Variants in MDGA2 observed in about 807,000 individuals in gnomAD.
MDGA2 encodes MAM domain-containing glycosylphosphatidylinositol anchor protein 2.
A neutral mutation model predicts 117.8 loss-of-function variants in MDGA2; 40 were observed. The observed-to-expected ratio is 0.34, with a 90% CI of 0.26 to 0.44. The LOEUF is 0.44. MDGA2 is among the 20% of genes least tolerant of loss of function. The probability of loss-of-function intolerance (pLI) is 1.00; values close to 1 mark genes in which losing one functional copy is unlikely to be tolerated. For synonymous variants in MDGA2, 452 were observed against 439.0 expected, an observed-to-expected ratio of 1.03 and a Z score of -0.37; for missense variants, 1,123 against 1,250.6, an observed-to-expected ratio of 0.90 and a Z score of 1.54.
At chr14:47,321,489 AG>A in intron 1 of MDGA2, among the ~76,000 whole-genome samples, 1 of 152,356 alleles carries the variant, frequency 6.6e-6, no homozygotes, top group South Asian at 2.1e-4. Context: ...CTACCTGCTC[AG>A]CTTGTCAACA....
At chr14:47,638,734 C>G (rs959096945) in intron 1 of MDGA2, among the ~76,000 whole-genome samples, 1 of 152,160 alleles carries the variant, frequency 6.6e-6, no homozygotes, top group Non-Finnish European at 1.5e-5. Flanking sequence ...TTCTAACAGG[C>G]CTCTCTCATA....
intron 2 of MDGA2, among the ~76,000 whole-genome samples, chr14:47,255,494 C>T (rs944937133): frequency 6.6e-6 from 1 of 152,172 alleles, no homozygotes; most frequent in Non-Finnish European, 1.5e-5. Context: ...TGGCCCTATG[C>T]CTGCATCTTC....
chr14:46,891,901 C>T (rs976177551), intron 10 of MDGA2, among the ~76,000 whole-genome samples: 6 of 150,788 alleles, frequency 4.0e-5, no homozygotes, highest in Non-Finnish European at 8.9e-5. Flanking sequence ...TGCAAGTTTC[C>T]TATCTAAACT....
chr14:47,361,667 A>G (rs1891128855), intron 1 of MDGA2, among the ~76,000 whole-genome samples: 1 of 151,900 alleles, frequency 6.6e-6, no homozygotes, highest in Non-Finnish European at 1.5e-5. Context: ...GGGTTTCCTT[A>G]CCCTTAAAAA....
intron 1 of MDGA2, among the ~76,000 whole-genome samples, chr14:47,382,759 C>G (rs141129246): frequency 6.6e-6 from 1 of 152,236 alleles, no homozygotes; most frequent in African/African-American, 2.4e-5. Flanking sequence ...GTTGGTGGGA[C>G]TATAAACTAG....
intron 6 of MDGA2, among the ~76,000 whole-genome samples, chr14:47,072,235 G>C (rs774164758): frequency 6.6e-6 from 1 of 152,070 alleles, no homozygotes; most frequent in Non-Finnish European, 1.5e-5. Context: ...AGACTCTGTA[G>C]TGAGGTAGAT....
chr14:47,671,780 CTTT>C (rs1194002338), intron 1 of MDGA2, among the ~76,000 whole-genome samples: 1 of 152,186 alleles, frequency 6.6e-6, no homozygotes, highest in Non-Finnish European at 1.5e-5. Flanking sequence ...TCAAAACACA[CTTT>C]TTAACTTTAC....
chr14:47,399,852 T>C (rs956598931), intron 1 of MDGA2, among the ~76,000 whole-genome samples: 79 of 152,090 alleles, frequency 5.2e-4, no homozygotes, highest in African/African-American at 1.8e-3. Flanking sequence ...GAAAGAAAAG[T>C]CACCATGGGT....
Position 47,373,312 on chromosome 14 carries a change from C to T in MDGA2, c.281-71762G>A, listed in dbSNP as rs562224338. Reference sequence around the variant, plus strand: ...TCCCAATATATCACTTTAAAAATATCTGTGATCCTAGGTATATATCCAAGA... The same window carrying T: ...TCCCAATATATCACTTTAAAAATATTTGTGATCCTAGGTATATATCCAAGA... On this transcript the variant is annotated intron_variant, in intron 1 of 16. Transcript: ENST00000399232. Among the ~76,000 whole-genome samples the T allele has an allele frequency of 2.0e-5, 3 of 152,014 alleles. No individual in the cohort carries two copies. In the East Asian group the frequency reaches 5.8e-4, roughly 29 times the overall value.
At chr14:47,233,674 C>A (rs185998774) in intron 2 of MDGA2, among the ~76,000 whole-genome samples, 51 of 152,132 alleles carry the variant, frequency 3.4e-4, no homozygotes, top group African/African-American at 1.2e-3. Context: ...GAAAATTTTA[C>A]GCAAAGGGCG....
At chr14:47,318,306 TTC>T (rs1889870139) in intron 1 of MDGA2, among the ~76,000 whole-genome samples, 1 of 152,186 alleles carries the variant, frequency 6.6e-6, no homozygotes, top group Non-Finnish European at 1.5e-5. Flanking sequence ...TCAAACTCGT[TTC>T]TCTCTCTTTC....
chr14:47,097,805 C>G (rs1418961544), intron 5 of MDGA2, among the ~76,000 whole-genome samples: 2 of 151,994 alleles, frequency 1.3e-5, no homozygotes, highest in Admixed American at 6.6e-5. Flanking sequence ...AGCCACCAAA[C>G]CATGCTTGCC....
chr14:47,089,863 A>AG (rs386381285), intron 6 of MDGA2, among the ~76,000 whole-genome samples: 4 of 151,364 alleles, frequency 2.6e-5, no homozygotes, highest in African/African-American at 9.7e-5. Context: ...TCTGAAAAAA[A>AG]AAGGGAATAA....
rs1466848739 is a variant in MDGA2 at position 46,895,726 on chromosome 14, C to T, written c.2239-13505G>A. 2.1e-5 allele frequency among the ~76,000 whole-genome samples: 3 copies of T among 145,740 alleles called. No homozygotes were observed. In the East Asian group the frequency reaches 6.0e-4, roughly 29 times the overall value. On this transcript the variant is annotated intron_variant, in intron 10 of 16. Transcript: ENST00000399232. Reference sequence around the variant, plus strand: ...TGGGCGACAGAGCAAGACCCTGTCTCAAAAAGAAAAAAAAAAAAGAATAAC... The same window carrying T: ...TGGGCGACAGAGCAAGACCCTGTCTTAAAAAGAAAAAAAAAAAAGAATAAC...
At chr14:47,441,544 G>A (rs1220733888) in intron 1 of MDGA2, among the ~76,000 whole-genome samples, 1 of 152,096 alleles carries the variant, frequency 6.6e-6, no homozygotes, top group Non-Finnish European at 1.5e-5. Flanking sequence ...ACCAAAATAA[G>A]TATATAAATA....
At chr14:47,136,548 A>G (rs1882467781) in intron 4 of MDGA2, among the ~76,000 whole-genome samples, 1 of 152,110 alleles carries the variant, frequency 6.6e-6, no homozygotes, top group Non-Finnish European at 1.5e-5. Context: ...CCATCCTCTA[A>G]AAGTGTATTC....
chr14:47,256,998 A>G (rs1887643508), intron 2 of MDGA2, among the ~76,000 whole-genome samples: 2 of 152,166 alleles, frequency 1.3e-5, no homozygotes, highest in South Asian at 4.2e-4. Context: ...TGAAAAAGGA[A>G]GGGGATAGGA....
At chr14:47,609,641 T>A (rs1896812693) in intron 1 of MDGA2, among the ~76,000 whole-genome samples, 1 of 151,126 alleles carries the variant, frequency 6.6e-6, no homozygotes, top group Non-Finnish European at 1.5e-5. Context: ...AGTTCTACTT[T>A]CAGCTCTTTA....
At chr14:46,983,972 CTGAT>C (rs1211811130) in intron 8 of MDGA2, among the ~76,000 whole-genome samples, 2 of 151,892 alleles carry the variant, frequency 1.3e-5, no homozygotes, top group South Asian at 2.1e-4. Context: ...TATAACTAAT[CTGAT>C]TGATGTTACA....
Sources: gnomAD v4.1 joint callset for allele counts (sites outside exome capture counted in the v4.1 genomes callset) on GRCh38, gnomAD v4.1.1 for gene constraint, MANE v1.5 for transcripts, NCBI Gene and HGNC (gene_info 2026-07-23, HGNC 2026-07-21) for gene names.